The following CEP128 variants were observed in gnomAD, a reference collection of about 807,000 sequenced individuals.
The protein encoded by CEP128 is centrosomal protein 128, also known as centrosomal protein 128kDa.
A neutral mutation model predicts 156.7 loss-of-function variants in CEP128; 132 were observed. That is an observed-to-expected ratio of 0.84 (90% CI 0.73 to 0.97). CEP128 has a LOEUF of 0.97. CEP128 is among the 50% of genes least tolerant of loss of function. CEP128 has a pLI of 0.00. For synonymous variants in CEP128, 469 were observed against 448.9 expected, an observed-to-expected ratio of 1.04 and a Z score of -0.57; for missense variants, 1,252 against 1,281.9, an observed-to-expected ratio of 0.98 and a Z score of 0.36.
At chr14:80,602,189 A>G (rs573991645) in intron 19 of CEP128, among the ~76,000 whole-genome samples, 7 of 152,342 alleles carry the variant, frequency 4.6e-5, no homozygotes, top group Admixed American at 4.6e-4. Flanking sequence ...CTCAAAACAC[A>G]TGACAGAAAA....
At chr14:80,751,227 G>A (rs539469158) in intron 18 of CEP128, among the ~76,000 whole-genome samples, 99 of 152,230 alleles carry the variant, frequency 6.5e-4, no homozygotes, top group Admixed American at 2.2e-3. Context: ...CTATTCTTAC[G>A]AAGACTTTAT....
chr14:80,746,179 C>T (rs1415367563), intron 18 of CEP128, among the ~76,000 whole-genome samples: 1 of 152,154 alleles, frequency 6.6e-6, no homozygotes, highest in Non-Finnish European at 1.5e-5. Context: ...ACAGATTCAA[C>T]AGGATCCCTT....
intron 2 of CEP128, among the ~76,000 whole-genome samples, chr14:80,951,144 T>C (rs568693119): frequency 2.6e-5 from 4 of 152,178 alleles, no homozygotes; most frequent in African/African-American, 7.2e-5. Context: ...CCAGCAGATA[T>C]GTATGACAAA....
intron 23 of CEP128, among the ~76,000 whole-genome samples, chr14:80,514,916 G>C (rs2140228978): frequency 6.6e-6 from 1 of 152,276 alleles, no homozygotes; most frequent in South Asian, 2.1e-4. Context: ...CTAAGTCTTT[G>C]GTCCCTGCAG....
intron 19 of CEP128, among the ~76,000 whole-genome samples, chr14:80,598,359 T>C (rs1892431697): frequency 6.6e-6 from 1 of 152,090 alleles, no homozygotes; most frequent in Admixed American, 6.6e-5. Flanking sequence ...TATTATACCA[T>C]TTAAAATCAC....
chr14:80,869,699 G>A (rs912748405), intron 8 of CEP128, among the ~76,000 whole-genome samples: 1 of 151,952 alleles, frequency 6.6e-6, no homozygotes, highest in African/African-American at 2.4e-5. Flanking sequence ...AGGGGTACAT[G>A]GGCAGGTTTG....
chr14:80,919,740 T>G (rs1049285217), intron 2 of CEP128, among the ~76,000 whole-genome samples: 38 of 152,138 alleles, frequency 2.5e-4, no homozygotes, highest in African/African-American at 7.7e-4. Context: ...TCTCTAATCG[T>G]CATACAATAC....
chr14:80,820,942 C>T (rs1885132512), intron 13 of CEP128, among the ~76,000 whole-genome samples: 2 of 152,056 alleles, frequency 1.3e-5, no homozygotes, highest in African/African-American at 2.4e-5. Context: ...ACATTCTTCA[C>T]CCAAGTAAAG....
intron 23 of CEP128, among the ~76,000 whole-genome samples, chr14:80,518,520 T>A (rs1283460847): frequency 6.6e-6 from 1 of 152,200 alleles, no homozygotes; most frequent in Non-Finnish European, 1.5e-5. Context: ...TCTGTGTCTT[T>A]ACTGACTTTC....
At chr14:80,637,081 C>G (rs949675185) in intron 19 of CEP128, among the ~76,000 whole-genome samples, 1 of 141,772 alleles carries the variant, frequency 7.1e-6, no homozygotes, top group Non-Finnish European at 1.5e-5. Flanking sequence ...AGCGAAACTC[C>G]GTCTTTAAAA....
At chr14:80,572,812 T>C (rs7492330) in intron 20 of CEP128, among the ~76,000 whole-genome samples, 86,066 of 151,824 alleles carry the variant, frequency 0.57, 24,667 homozygotes, top group East Asian at 0.72. Context: ...TCTGGAAGCG[T>C]TGCTTTTCAC....
chr14:80,532,158 T>C (rs1232952570), intron 21 of CEP128, among the ~76,000 whole-genome samples: 2 of 152,118 alleles, frequency 1.3e-5, no homozygotes, highest in African/African-American at 4.8e-5. Context: ...CTGGCTCATT[T>C]TGTGGAATGG....
intron 13 of CEP128, among the ~76,000 whole-genome samples, chr14:80,826,857 A>C (rs1885510044): frequency 6.6e-6 from 1 of 152,162 alleles, no homozygotes; most frequent in Admixed American, 6.5e-5. Context: ...AGATTAAATC[A>C]GGGGAAATAA....
chr14:80,559,196 T>C (rs1490705545), intron 21 of CEP128, 83 bp downstream of exon 21: 2 of 1,202,028 alleles, frequency 1.7e-6, no homozygotes, highest in East Asian at 2.4e-5. Context: ...TTTCTGAAAC[T>C]GTTTCCTTTG....
chr14:80,924,060 A>G (rs1440348490), intron 2 of CEP128, among the ~76,000 whole-genome samples: 7 of 152,202 alleles, frequency 4.6e-5, no homozygotes, highest in Admixed American at 6.5e-5. Flanking sequence ...AGTCATGCGG[A>G]ACTGTGAGTC....
intron 23 of CEP128, among the ~76,000 whole-genome samples, chr14:80,524,496 A>G (rs747931207): frequency 2.0e-5 from 3 of 152,194 alleles, no homozygotes; most frequent in Non-Finnish European, 4.4e-5. Flanking sequence ...GAAATGACTA[A>G]CACAACTTTC....
At chr14:80,603,021 C>T (rs1482185376) in intron 19 of CEP128, among the ~76,000 whole-genome samples, 2 of 152,112 alleles carry the variant, frequency 1.3e-5, no homozygotes, top group African/African-American at 2.4e-5. Flanking sequence ...ATACAGTGTG[C>T]TTATTAAGGA....
chr14:80,552,858 C>G (rs1890265882), intron 21 of CEP128, among the ~76,000 whole-genome samples: 1 of 152,042 alleles, frequency 6.6e-6, no homozygotes, highest in African/African-American at 2.4e-5. Context: ...TCTTTTCACT[C>G]TTTTTATGTT....
chr14:80,635,312 A>G (rs1215882619), intron 19 of CEP128, among the ~76,000 whole-genome samples: 6 of 152,206 alleles, frequency 3.9e-5, no homozygotes, highest in Non-Finnish European at 7.3e-5. Context: ...CCACACACAG[A>G]ATTCAATGCA....
Sources: allele counts gnomAD v4.1 joint callset (sites outside exome capture counted in the v4.1 genomes callset), GRCh38; gene constraint gnomAD v4.1.1; transcripts MANE v1.5; gene names NCBI Gene and HGNC (gene_info 2026-07-23, HGNC 2026-07-21).